Variants in ZC3H6 observed in about 807,000 individuals in gnomAD.
ZC3H6 encodes zinc finger CCCH-type containing 6, also known as zinc finger CCCH domain-containing protein 6.
A neutral mutation model predicts 107.7 loss-of-function variants in ZC3H6; 40 were observed. That is an observed-to-expected ratio of 0.37 (90% CI 0.29 to 0.48). ZC3H6 has a LOEUF of 0.48. Ranked by LOEUF, ZC3H6 falls within the 20% of genes least tolerant of loss-of-function variation. ZC3H6 has a pLI of 0.98. For synonymous variants in ZC3H6, 493 were observed against 487.9 expected (o/e 1.01, Z -0.14); for missense variants, 1,267 against 1,410.4 (o/e 0.90, Z 1.63).
Position 112,332,229 on chromosome 2 carries a change from G to A in ZC3H6, c.3311G>A (p.Gly1104Glu), listed in dbSNP as rs1677049975. 1 of 1,613,956 alleles carries A rather than the reference G, an allele frequency of 6.2e-7. No individual in the cohort carries two copies. The highest frequency in any genetic ancestry group is 1.7e-5 in the Admixed American group (1 of 60,020). ...CCACAAAAACCCAGTCCAAACGTGGGAGTCACTCTTGAGGGGCCAGCTGAC... is the reference window on the plus strand; with the variant it reads ...CCACAAAAACCCAGTCCAAACGTGGAAGTCACTCTTGAGGGGCCAGCTGAC... ...ILPQKPSPNV[G>E]VTLEGPADPQ... Residue 1104 changes from glycine to glutamate, a missense_variant, in exon 12 of 12, where the codon GGA (glycine) becomes GAA (glutamate). Gly to Glu is a moderately conservative substitution (Grantham distance 98, BLOSUM62 -2). This residue lies in a region of ZC3H6 where 925 missense variants were observed against 1,025.7 expected (regional missense o/e 0.90). Transcript: ENST00000409871.
intron 1 of ZC3H6, among the ~76,000 whole-genome samples, chr2:112,284,201 G>A (rs962131315): frequency 6.6e-6 from 1 of 152,228 alleles, no homozygotes; most frequent in Non-Finnish European, 1.5e-5. Flanking sequence ...AGACCCATAA[G>A]GGAGGCTGTG....
In ZC3H6 at chr2:112,321,846, CAAAG is replaced by C. The variant is rs1676806837; in HGVS notation, c.1071_1074del (p.Lys357AsnfsTer7). The C allele has an allele frequency of 6.6e-7, 1 of 1,513,822 alleles. No homozygotes were observed. The allele number at this position is 1,513,822 out of a possible 1,614,324, so 93.8% of individuals were successfully genotyped here. A position where few individuals can be genotyped will look rare whatever the true frequency, so the allele number is the denominator to read the frequency against. On this transcript the variant is annotated frameshift_variant, in exon 8 of 12. Transcript: ENST00000409871. LOFTEE classifies it high-confidence loss of function. The stretch of plus-strand genomic sequence containing the variant: ...TCCCATGATGATCTAACTAAAGAAA[CAAAG>C]AAACTTTTGGACAAAGTGAGTAATA...
intron 1 of ZC3H6, among the ~76,000 whole-genome samples, chr2:112,292,784 C>T (rs1188454649): frequency 6.6e-6 from 1 of 152,110 alleles, no homozygotes. Context: ...ATGGCTTTAT[C>T]TTTTCAGTCA....
chr2:112,287,553 ATAAT>A (rs1405504695), intron 1 of ZC3H6, among the ~76,000 whole-genome samples: 5 of 152,240 alleles, frequency 3.3e-5, no homozygotes, highest in African/African-American at 4.8e-5. Context: ...ATGGGGGCAG[ATAAT>A]TAATAATTAT....
chr2:112,278,202 G>A (rs1352339765), intron 1 of ZC3H6, among the ~76,000 whole-genome samples: 1 of 152,086 alleles, frequency 6.6e-6, no homozygotes, highest in African/African-American at 2.4e-5. Flanking sequence ...CCAAAATACT[G>A]TATCTTTCCA....
At chr2:112,305,189 T>C (rs1192877894) in intron 3 of ZC3H6, among the ~76,000 whole-genome samples, 1 of 152,206 alleles carries the variant, frequency 6.6e-6, no homozygotes, top group Non-Finnish European at 1.5e-5. Flanking sequence ...TATTCAAAAG[T>C]CATTTGGAGA....
chr2:112,291,297 G>A (rs1206016767), intron 1 of ZC3H6, among the ~76,000 whole-genome samples: 5 of 152,082 alleles, frequency 3.3e-5, no homozygotes, highest in South Asian at 2.1e-4. Context: ...GCAGTGGCAC[G>A]ATCTCAGTTC....
chr2:112,303,726 C>A (rs889103785), intron 3 of ZC3H6, among the ~76,000 whole-genome samples: 3 of 152,036 alleles, frequency 2.0e-5, no homozygotes, highest in African/African-American at 7.2e-5. Context: ...AATTTCATTC[C>A]TTTTTAAGGC....
chr2:112,310,209 A>G lies in ZC3H6; in HGVS notation c.613+48A>G, dbSNP rs766729443. 6 of 1,557,246 alleles carry G rather than the reference A, an allele frequency of 3.9e-6. No homozygotes were observed. In the African/African-American group the frequency reaches 8.2e-5, roughly 21 times the overall value. ...TCTTAGAATGTGAGAACCTTATTAA[A>G]ACAGGCAGCTATGGAGTAAAAACTT... On this transcript the variant is annotated intron_variant, in intron 4 of 11. Coordinates refer to ENST00000409871, the MANE Select transcript of ZC3H6 (RefSeq NM_198581.3).
chr2:112,276,378 C>T (rs1686424941), intron 1 of ZC3H6, among the ~76,000 whole-genome samples: 2 of 151,760 alleles, frequency 1.3e-5, no homozygotes, highest in Admixed American at 1.3e-4. Flanking sequence ...GTCGGTGCTC[C>T]CGGCCAGATA....
rs184321171 is a variant in ZC3H6, at chr2:112,329,526, C to G, written c.2087-1479C>G. ...AAGTAGTTTTTTCAGATATTGAGAT[C>G]TGAGTAAAACTTTTTGCAATTGTGA... On this transcript the variant is annotated intron_variant, in intron 11 of 11. Coordinates refer to ENST00000409871, the MANE Select transcript of ZC3H6 (RefSeq NM_198581.3). Among the ~76,000 whole-genome samples the G allele has an allele frequency of 4.1e-4, 63 of 152,278 alleles. 1 individual carries two copies. In the Middle Eastern group the frequency reaches 0.017, roughly 41 times the overall value.
chr2:112,329,148 C>T (rs1272823441), intron 11 of ZC3H6, among the ~76,000 whole-genome samples: 1 of 151,972 alleles, frequency 6.6e-6, no homozygotes, highest in Non-Finnish European at 1.5e-5. Flanking sequence ...GATTTTAATG[C>T]TTTTATGCAT....
At chr2:112,280,852 T>C (rs2104690984) in intron 1 of ZC3H6, among the ~76,000 whole-genome samples, 1 of 152,320 alleles carries the variant, frequency 6.6e-6, no homozygotes, top group South Asian at 2.1e-4. Context: ...GGCCAGACCC[T>C]GAAGGATGTG....
chr2:112,288,420 A>G (rs1315509597), intron 1 of ZC3H6, among the ~76,000 whole-genome samples: 4 of 152,210 alleles, frequency 2.6e-5, no homozygotes, highest in Non-Finnish European at 5.9e-5. Context: ...GTTGAGGGCT[A>G]TCTACTAGGT....
intron 1 of ZC3H6, among the ~76,000 whole-genome samples, chr2:112,281,234 A>G (rs1213563290): frequency 6.6e-6 from 1 of 152,156 alleles, no homozygotes; most frequent in East Asian, 1.9e-4. Flanking sequence ...GCCCTGATAC[A>G]AGACAACAAT....
chr2:112,288,158 A>G (rs1019405302), intron 1 of ZC3H6, among the ~76,000 whole-genome samples: 3 of 152,108 alleles, frequency 2.0e-5, no homozygotes, highest in African/African-American at 7.3e-5. Flanking sequence ...ATAAAGTACA[A>G]ATACCTTCAG....
intron 8 of ZC3H6, 72 bp from the exon 9 acceptor site, chr2:112,322,577 C>T (rs538279173): frequency 8.5e-5 from 125 of 1,474,502 alleles, no homozygotes; most frequent in South Asian, 1.8e-4. Flanking sequence ...ACTAACCAAA[C>T]TTAAGTCTTC....
rs965194850 is a variant in ZC3H6, at chr2:112,339,500, C to T, written c.*7012C>T. 1 of 152,164 alleles carries T rather than the reference C, an allele frequency of 6.6e-6. No individual in the cohort carries two copies. The highest frequency in any genetic ancestry group is 1.5e-5 in the Non-Finnish European group (1 of 68,044). The allele number at this position is 152,164 out of a possible 1,614,324, so 9.4% of individuals were successfully genotyped here. On this transcript the variant is annotated 3_prime_UTR_variant, in exon 12 of 12. Coordinates refer to ENST00000409871, the MANE Select transcript of ZC3H6 (RefSeq NM_198581.3). ...AAGGGTTTGGCATAGATCCAGGGCT[C>T]CAGGGCCCAGGTCATTTTGTTATTA...
At chr2:112,308,060 T>C (rs563011885) in intron 3 of ZC3H6, among the ~76,000 whole-genome samples, 1 of 152,354 alleles carries the variant, frequency 6.6e-6, no homozygotes, top group African/African-American at 2.4e-5. Context: ...CTAGTTAATT[T>C]AATCTTCAAC....
Sources: allele counts gnomAD v4.1 joint callset (sites outside exome capture counted in the v4.1 genomes callset), GRCh38; gene constraint gnomAD v4.1.1; regional missense constraint gnomAD v4.1.1; transcripts MANE v1.5; gene names NCBI Gene and HGNC (gene_info 2026-07-23, HGNC 2026-07-21).